Variants in EXOC6B observed in about 807,000 individuals in gnomAD.
EXOC6B encodes exocyst complex component 6B.
EXOC6B carries 54 observed loss-of-function variants against 113.5 expected under a neutral mutation model. The ratio of observed to expected loss-of-function variants is 0.48; its 90% confidence interval spans 0.38 to 0.60. The LOEUF (loss-of-function observed/expected upper bound fraction) is 0.60, where lower values mean the gene tolerates loss of function less well. Ranked by LOEUF, EXOC6B falls within the 20% of genes least tolerant of loss-of-function variation. EXOC6B has a pLI of 0.00. For missense variants in EXOC6B, 797 were observed against 977.5 expected (o/e 0.82, Z 2.46); for synonymous variants, 357 against 339.0 (o/e 1.05, Z -0.58).
chr2:72,692,951 T>G (rs567763995), intron 6 of EXOC6B, among the ~76,000 whole-genome samples: 1 of 152,280 alleles, frequency 6.6e-6, no homozygotes, highest in African/African-American at 2.4e-5. Context: ...GAAAAACAGA[T>G]TATCAACTCC....
chr2:72,796,167 G>A (rs190127254), intron 1 of EXOC6B, among the ~76,000 whole-genome samples: 2 of 150,600 alleles, frequency 1.3e-5, no homozygotes, highest in Non-Finnish European at 3.0e-5. Flanking sequence ...AAGAAACTCA[G>A]AGAGGCTGGG....
chr2:72,637,204 C>T (rs144735525), intron 6 of EXOC6B, among the ~76,000 whole-genome samples: 41 of 151,986 alleles, frequency 2.7e-4, no homozygotes, highest in South Asian at 2.1e-4. Context: ...TCATGAATTG[C>T]GAGACTAAAT....
chr2:72,504,765 A>G (rs1700510171), intron 11 of EXOC6B, among the ~76,000 whole-genome samples: 1 of 152,152 alleles, frequency 6.6e-6, no homozygotes, highest in Admixed American at 6.5e-5. Flanking sequence ...CAGAGTTTCT[A>G]TTGCTCCATA....
chr2:72,764,646 A>G (rs1682956138), intron 1 of EXOC6B, among the ~76,000 whole-genome samples: 1 of 152,024 alleles, frequency 6.6e-6, no homozygotes, highest in African/African-American at 2.4e-5. Flanking sequence ...GATGACAGGC[A>G]TGAGCCACCG....
chr2:72,622,618 G>T (rs935262938), intron 6 of EXOC6B, among the ~76,000 whole-genome samples: 1 of 152,084 alleles, frequency 6.6e-6, no homozygotes, highest in East Asian at 1.9e-4. Flanking sequence ...GCTGAGGTGG[G>T]AGGATCACTT....
At chr2:72,638,651 C>A (rs904621289) in intron 6 of EXOC6B, among the ~76,000 whole-genome samples, 9 of 152,154 alleles carry the variant, frequency 5.9e-5, no homozygotes, top group African/African-American at 2.2e-4. Context: ...CTCTGGAACC[C>A]CGGCAGGAGG....
At chr2:72,216,281 C>T (rs1178877023) in intron 20 of EXOC6B, among the ~76,000 whole-genome samples, 2 of 152,190 alleles carry the variant, frequency 1.3e-5, no homozygotes, top group Non-Finnish European at 2.9e-5. Flanking sequence ...GACATTTATG[C>T]ATCTGACAAA....
chr2:72,400,161 C>A (rs1693043546), intron 18 of EXOC6B, among the ~76,000 whole-genome samples: 1 of 151,966 alleles, frequency 6.6e-6, no homozygotes, highest in Admixed American at 6.6e-5. Flanking sequence ...TCAACAAACT[C>A]AACAAAAATA....
intron 20 of EXOC6B, among the ~76,000 whole-genome samples, chr2:72,196,228 A>G (rs1679159302): frequency 6.6e-6 from 1 of 152,240 alleles, no homozygotes; most frequent in African/African-American, 2.4e-5. Flanking sequence ...TAAGAAACAT[A>G]GTTGTAGAAA....
intron 19 of EXOC6B, among the ~76,000 whole-genome samples, chr2:72,343,380 T>C (rs1332501841): frequency 1.3e-5 from 2 of 152,202 alleles, no homozygotes; most frequent in Non-Finnish European, 2.9e-5. Context: ...TGAGCCAAGA[T>C]CGTGCCACTG....
At chr2:72,654,077 C>T (rs1023505664) in intron 6 of EXOC6B, among the ~76,000 whole-genome samples, 1 of 151,580 alleles carries the variant, frequency 6.6e-6, no homozygotes, top group Non-Finnish European at 1.5e-5. Flanking sequence ...TTGCGCCATT[C>T]TCCTGCCTCA....
At chr2:72,404,262 C>A (rs569696357) in intron 18 of EXOC6B, among the ~76,000 whole-genome samples, 2 of 152,356 alleles carry the variant, frequency 1.3e-5, no homozygotes, top group South Asian at 4.1e-4. Context: ...CTGCCTGCCT[C>A]TGTAGACTCC....
intron 18 of EXOC6B, among the ~76,000 whole-genome samples, chr2:72,421,690 T>C (rs1694874102): frequency 6.6e-6 from 1 of 152,250 alleles, no homozygotes. Flanking sequence ...CCTCACTCGC[T>C]CTCGGCGCCT....
intron 6 of EXOC6B, among the ~76,000 whole-genome samples, chr2:72,622,999 C>CT (rs1024655846): frequency 6.6e-6 from 1 of 152,062 alleles, no homozygotes; most frequent in African/African-American, 2.4e-5. Flanking sequence ...AGGGACTGAA[C>CT]TGGAAGGGGG....
chr2:72,758,640 A>G (rs190458660), intron 1 of EXOC6B, among the ~76,000 whole-genome samples: 3 of 152,310 alleles, frequency 2.0e-5, no homozygotes, highest in African/African-American at 7.2e-5. Flanking sequence ...TGAAGTGTAC[A>G]GGGAAAAAAG....
At chr2:72,477,604 C>A (rs551313569) in intron 17 of EXOC6B, among the ~76,000 whole-genome samples, 2 of 152,330 alleles carry the variant, frequency 1.3e-5, no homozygotes, top group South Asian at 4.1e-4. Flanking sequence ...CATTACCCCC[C>A]ACAACTCAAT....
At chr2:72,576,470 T>C (rs1704864694) in intron 6 of EXOC6B, among the ~76,000 whole-genome samples, 2 of 152,088 alleles carry the variant, frequency 1.3e-5, no homozygotes. Flanking sequence ...GGTACCTTAA[T>C]TGCCACTCAG....
At chr2:72,430,754 G>A (rs183532959) in intron 18 of EXOC6B, among the ~76,000 whole-genome samples, 2 of 152,290 alleles carry the variant, frequency 1.3e-5, no homozygotes, top group Non-Finnish European at 2.9e-5. Context: ...AAAGTCCACT[G>A]AAAGAAATAA....
chr2:72,742,183 G>T (rs947384081), intron 1 of EXOC6B, among the ~76,000 whole-genome samples: 3 of 152,126 alleles, frequency 2.0e-5, no homozygotes, highest in Admixed American at 1.3e-4. Flanking sequence ...TTCCAAGCTC[G>T]TATCTACAAT....
Sources: gnomAD v4.1 joint callset for allele counts (sites outside exome capture counted in the v4.1 genomes callset) on GRCh38, gnomAD v4.1.1 for gene constraint, MANE v1.5 for transcripts, NCBI Gene and HGNC (gene_info 2026-07-23, HGNC 2026-07-21) for gene names.